SEMA4B: variants seen among roughly 807,000 people sequenced by gnomAD.
SEMA4B encodes semaphorin-4B.
A neutral mutation model predicts 88.1 loss-of-function variants in SEMA4B; 55 were observed. The ratio of observed to expected loss-of-function variants is 0.62; its 90% CI spans 0.50 to 0.78. SEMA4B has a LOEUF of 0.78. Ranked by LOEUF, SEMA4B falls within the 30% of genes least tolerant of loss-of-function variation. The probability of loss-of-function intolerance (pLI) is 0.00; values close to 1 mark genes in which losing one functional copy is unlikely to be tolerated. For missense variants in SEMA4B, 1,062 were observed against 1,111.9 expected, an observed-to-expected ratio of 0.96 and a Z score of 0.64; for synonymous variants, 525 against 473.6, an observed-to-expected ratio of 1.11 and a Z score of -1.41.
In SEMA4B at chr15:90,220,040, T is replaced by A. The variant is rs1961730706; in HGVS notation, c.483+149T>A. On this transcript the variant is annotated intron_variant, in intron 4 of 13. Coordinates refer to ENST00000411539, the MANE Select transcript of SEMA4B (RefSeq NM_198925.4). ...CCACTGGCCTCCAAGAGCCCTGAGG[T>A]CCCACACCCTGGCACAAAGCGCAGC... 5.0e-6 allele frequency: 3 copies of A among 594,448 alleles called. No individual in the cohort carries two copies. The South Asian group carries it at 6.6e-5, about 13-fold the overall frequency. 36.8% of individuals were successfully genotyped at this position (594,448 alleles called of 1,614,324 possible). A position where few individuals can be genotyped will look rare whatever the true frequency, so the allele number is the denominator to read the frequency against.
intron 1 of SEMA4B, 129 bp from the exon 2 acceptor site, chr15:90,217,310 A>C (rs1961577789): frequency 2.4e-6 from 2 of 823,348 alleles, no homozygotes; most frequent in Non-Finnish European, 3.8e-6. Flanking sequence ...CCCTGCCCCC[A>C]GCCCCTTGCC....
In SEMA4B at chr15:90,227,622, C is replaced by T. The variant is rs901409897; in HGVS notation, c.1754C>T (p.Ser585Phe). 4.3e-6 allele frequency: 7 copies of T among 1,613,892 alleles called. No individual in the cohort carries two copies. In the Admixed American group the frequency reaches 6.7e-5, roughly 15 times the overall value. Residue 585 changes from serine (S) to phenylalanine (F), a missense_variant, in exon 13 of 14, where the codon TCC becomes TTC. By Grantham distance (155) the Ser-to-Phe change is radical. Coordinates refer to ENST00000411539, the MANE Select transcript of SEMA4B (RefSeq NM_198925.4). The stretch of plus-strand genomic sequence containing the variant: ...CTTTGCAGCGCGTCTTCGGTTGTGT[C>T]CCCGTCTTTTGTACCAACAGGTGAG... ...KDLCSASSVV[S>F]PSFVPTGEKP...
chr15:90,199,996 T>C (rs1960645412), upstream of SEMA4B, among the ~76,000 whole-genome samples: 1 of 152,158 alleles, frequency 6.6e-6, no homozygotes, highest in African/African-American at 2.4e-5. Context: ...CCATATCCCA[T>C]GTGGAATTCT....
In SEMA4B at chr15:90,223,867, T is replaced by C. The variant is rs754875835; in HGVS notation, c.1073T>C (p.Val358Ala). The C allele has an allele frequency of 2.5e-6, 4 of 1,613,930 alleles. No individual in the cohort carries two copies. In the South Asian group the frequency reaches 4.4e-5, roughly 18 times the overall value. The change falls in exon 9 of 14, where the codon GTC becomes GCC. Residue 358 changes from valine (V) to alanine (A), a missense_variant. Val to Ala is a moderately conservative substitution (Grantham distance 64, BLOSUM62 0). Transcript: ENST00000411539. Reference protein sequence around the residue: ...WHRGTTEGSAVCVFTMKDVQR... With the variant: ...WHRGTTEGSAACVFTMKDVQR... ...AGGGGAACTACAGAAGGCTCTGCCG[T>C]CTGTGTCTTCACAATGAAGGATGTG...
At position 90,223,955 on chromosome 15, in the gene SEMA4B, G is replaced by C; in HGVS notation, c.1161G>C (p.Val387=). Reference sequence around the variant, plus strand: ...GTGAGACACAGCAGTGGTACACCGTGACCCACCCGGTGCCCACACCCCGGC... The same window carrying C: ...GTGAGACACAGCAGTGGTACACCGTCACCCACCCGGTGCCCACACCCCGGC... ...VNRETQQWYT[V]THPVPTPRPG... The change falls in exon 9 of 14, where the codon GTG becomes GTC. Residue 387 remains valine, a synonymous_variant. Transcript: ENST00000411539. The C allele has an allele frequency of 6.2e-7, 1 of 1,613,510 alleles. No homozygotes were observed. The highest frequency in any genetic ancestry group is 8.5e-7 in the Non-Finnish European group (1 of 1,179,830).
upstream of SEMA4B, chr15:90,184,936 C>G: frequency 1.0e-6 from 1 of 986,042 alleles, no homozygotes; most frequent in Non-Finnish European, 1.2e-6. Flanking sequence ...GGGGACGCCG[C>G]GCCGGACTGA....
At chr15:90,195,938 C>CTTTTTTTTTTTTA (rs10530160) in intron 1 of SEMA4B, among the ~76,000 whole-genome samples, 5 of 128,462 alleles carry the variant, frequency 3.9e-5, no homozygotes, top group Admixed American at 7.9e-5. Flanking sequence ...TTTTTTTTTT[C>CTTTTTTTTTTTTA]GAGACGGAGT....
rs8033071 is a variant in SEMA4B, at chr15:90,220,035, T to G, written c.483+144T>G. 6,015 of 604,046 alleles carry G rather than the reference T, an allele frequency of 1.0e-2. 220 individuals carry two copies. Among genetic ancestry groups the G allele is most frequent in the African/African-American group, 0.085 (4,560 of 53,480 alleles). The allele number at this position is 604,046 out of a possible 1,614,324, so 37.4% of individuals were successfully genotyped here. A position where few individuals can be genotyped will look rare whatever the true frequency, so the allele number is the denominator to read the frequency against. On this transcript the variant is annotated intron_variant, in intron 4 of 13. Transcript: ENST00000411539. ...AGGTACCACTGGCCTCCAAGAGCCCTGAGGTCCCACACCCTGGCACAAAGC... is the reference window on the plus strand; with the variant it reads ...AGGTACCACTGGCCTCCAAGAGCCCGGAGGTCCCACACCCTGGCACAAAGC...
In SEMA4B at chr15:90,228,988, G is replaced by C. The variant is rs1013835961; in HGVS notation, c.*345G>C. ...AGATAGCATGGCATGCAGCACACAC[G>C]GCTGCTCCAGTTCATGGCCTCCCAG... On this transcript the variant is annotated 3_prime_UTR_variant, in exon 14 of 14. Coordinates refer to ENST00000411539, the MANE Select transcript of SEMA4B (RefSeq NM_198925.4). 2.5e-6 allele frequency: 1 copy of C among 396,414 alleles called. No individual in the cohort carries two copies. Among genetic ancestry groups the C allele is most frequent in the Non-Finnish European group, 4.8e-6 (1 of 210,284 alleles). 24.6% of individuals were successfully genotyped at this position (396,414 alleles called of 1,614,324 possible).
chr15:90,205,566 C>T (rs1381229589), intron 1 of SEMA4B, among the ~76,000 whole-genome samples: 2 of 152,258 alleles, frequency 1.3e-5, no homozygotes, highest in Non-Finnish European at 2.9e-5. Flanking sequence ...TAATGGCCAT[C>T]TTCACAGTGT....
At chr15:90,210,989 A>G (rs758182331) in intron 1 of SEMA4B, among the ~76,000 whole-genome samples, 2 of 152,234 alleles carry the variant, frequency 1.3e-5, no homozygotes, top group African/African-American at 2.4e-5. Context: ...AGTTGGTGAC[A>G]TAGGATTTGG....
intron 1 of SEMA4B, among the ~76,000 whole-genome samples, chr15:90,209,299 C>T (rs1357249942): frequency 6.6e-6 from 1 of 152,002 alleles, no homozygotes; most frequent in East Asian, 1.9e-4. Context: ...ACCTGTAATC[C>T]CAACACTTTG....
chr15:90,197,034 G>A (rs1327471499), upstream of SEMA4B, among the ~76,000 whole-genome samples: 1 of 151,978 alleles, frequency 6.6e-6, no homozygotes, highest in African/African-American at 2.4e-5. Context: ...TGTTTATGTC[G>A]TACTTTCCCT....
At chr15:90,206,806 T>G in intron 1 of SEMA4B, 1 of 741,144 alleles carries the variant, frequency 1.3e-6, no homozygotes, top group Non-Finnish European at 2.4e-6. Context: ...TAATTAAGGT[T>G]GATGACAAAA....
chr15:90,198,378 G>A (rs1284872696), upstream of SEMA4B, among the ~76,000 whole-genome samples: 2 of 152,150 alleles, frequency 1.3e-5, no homozygotes, highest in African/African-American at 4.8e-5. Flanking sequence ...TATTCTAGAG[G>A]CTTGAGATAC....
At chr15:90,223,467 C>G in intron 7 of SEMA4B, 92 bp from the exon 8 acceptor site, 1 of 1,187,752 alleles carries the variant, frequency 8.4e-7, no homozygotes, top group Non-Finnish European at 1.1e-6. Context: ...GTCCTGGTGT[C>G]TGGGGTGGGT....
intron 1 of SEMA4B, among the ~76,000 whole-genome samples, chr15:90,205,983 T>C (rs1303126454): frequency 6.6e-6 from 1 of 152,210 alleles, no homozygotes; most frequent in Non-Finnish European, 1.5e-5. Flanking sequence ...CTGCTCTGCC[T>C]TCAGCACAAC....
chr15:90,221,495 C>A lies in SEMA4B; in HGVS notation c.709+15C>A. 1 of 1,601,978 alleles carries A rather than the reference C, an allele frequency of 6.2e-7. No homozygotes were observed. The highest frequency in any genetic ancestry group is 8.5e-7 in the Non-Finnish European group (1 of 1,173,794). ...CTGGCTGCAAGGTGAAGTCCTCTTGCCACCACCCAGAGGGCAGGGATCCTG... is the reference window on the plus strand; with the variant it reads ...CTGGCTGCAAGGTGAAGTCCTCTTGACACCACCCAGAGGGCAGGGATCCTG... On this transcript the variant is annotated intron_variant, in intron 6 of 13. Coordinates refer to ENST00000411539, the MANE Select transcript of SEMA4B (RefSeq NM_198925.4).
At chr15:90,192,676 C>T (rs1960379605) in intron 1 of SEMA4B, among the ~76,000 whole-genome samples, 2 of 150,542 alleles carry the variant, frequency 1.3e-5, no homozygotes, top group African/African-American at 4.9e-5. Context: ...CTGCAGCCTC[C>T]GCCTCCTGGG....
Sources: allele counts gnomAD v4.1 joint callset (sites outside exome capture counted in the v4.1 genomes callset), GRCh38; gene constraint gnomAD v4.1.1; transcripts MANE v1.5; gene names NCBI Gene and HGNC (gene_info 2026-07-23, HGNC 2026-07-21).